HECW1: variants seen among roughly 807,000 people sequenced by gnomAD.
HECW1 encodes HECT, C2 and WW domain containing E3 ubiquitin protein ligase 1.
A neutral mutation model predicts 182.3 loss-of-function variants in HECW1; 61 were observed. That is an observed-to-expected ratio of 0.33 (90% CI 0.27 to 0.41). The LOEUF (loss-of-function observed/expected upper bound fraction) is 0.41, where lower values mean the gene tolerates loss of function less well. Ranked by LOEUF, HECW1 falls within the 10% of genes least tolerant of loss-of-function variation. The pLI is 1.00. For missense variants in HECW1, 1,739 were observed against 2,108.9 expected, an observed-to-expected ratio of 0.82 and a Z score of 3.44; for synonymous variants, 859 against 832.6, an observed-to-expected ratio of 1.03 and a Z score of -0.55.
In HECW1 at chr7:43,300,842, G is replaced by A. The variant is rs116299562; in HGVS notation, c.28-10921G>A. 8.7e-3 allele frequency among the ~76,000 whole-genome samples: 1,325 copies of A among 152,204 alleles called. 24 individuals are homozygous for A. Among genetic ancestry groups the A allele is most frequent in the African/African-American group, 0.029 (1,199 of 41,536 alleles). ...ATGGGTGATCTGGAAAAGCAGGTAC[G>A]ATGACCTCCCACACTGATGTGAGAG... On this transcript the variant is annotated intron_variant, in intron 3 of 29. Coordinates refer to ENST00000395891, the MANE Select transcript of HECW1 (RefSeq NM_015052.5).
At chr7:43,235,209 C>T (rs764384495) in intron 2 of HECW1, among the ~76,000 whole-genome samples, 9 of 152,126 alleles carry the variant, frequency 5.9e-5, no homozygotes, top group Non-Finnish European at 1.2e-4. Context: ...AGTTCCCCGG[C>T]CCCCACACCC....
chr7:43,168,702 A>G (rs776327571), intron 2 of HECW1, among the ~76,000 whole-genome samples: 1 of 152,160 alleles, frequency 6.6e-6, no homozygotes, highest in Non-Finnish European at 1.5e-5. Flanking sequence ...GTATTAATCA[A>G]TAGGGATAAG....
intron 26 of HECW1, among the ~76,000 whole-genome samples, chr7:43,545,161 G>T (rs2081508267): frequency 6.6e-6 from 1 of 152,200 alleles, no homozygotes; most frequent in Non-Finnish European, 1.5e-5. Flanking sequence ...CCCTGGAAGG[G>T]AAGTAGAGAT....
At position 43,469,072 on chromosome 7, in the gene HECW1, G is replaced by A. The variant is rs765252709; in HGVS notation, c.3066G>A (p.Arg1022=). 3 of 1,614,164 alleles carry A rather than the reference G, an allele frequency of 1.9e-6. No individual in the cohort carries two copies. Among genetic ancestry groups the A allele is most frequent in the Admixed American group, 1.7e-5 (1 of 60,028 alleles). ...MFADTRLELP[R]GWEIKTDQQG... is the part of the protein sequence containing the mutation. ...CAGACACTCGGCTGGAACTGCCCCG[G>A]GGCTGGGAGATCAAAACGGACCAGC... Residue 1022 remains arginine (R), a synonymous_variant, in exon 16 of 30, where the codon CGG becomes CGA. Coordinates refer to ENST00000395891, the MANE Select transcript of HECW1 (RefSeq NM_015052.5).
intron 2 of HECW1, among the ~76,000 whole-genome samples, chr7:43,127,523 CAAAAAA>C (rs71562078): frequency 3.5e-5 from 2 of 57,280 alleles, no homozygotes; most frequent in Non-Finnish European, 6.3e-5. Context: ...AACTCCATCT[CAAAAAA>C]AAAAAAAAAA....
intron 2 of HECW1, among the ~76,000 whole-genome samples, chr7:43,186,245 C>T (rs1012043957): frequency 6.6e-6 from 1 of 152,194 alleles, no homozygotes; most frequent in African/African-American, 2.4e-5. Flanking sequence ...GCAGTTTGTG[C>T]TCATTATCTG....
rs6954058 is a variant in HECW1 at position 43,331,722 on chromosome 7, A to G, written c.460+10980A>G. ...CGTTCTTGGCAAGGATGTTACCATG[A>G]GGTGGACGCCATCACTGTTGTATCC... is the stretch of plus-strand genomic sequence containing the variant. On this transcript the variant is annotated intron_variant, in intron 5 of 29. Coordinates refer to ENST00000395891, the MANE Select transcript of HECW1 (RefSeq NM_015052.5). Among the ~76,000 whole-genome samples the G allele has an allele frequency of 7.5e-3, 1,140 of 152,306 alleles. 17 individuals are homozygous for G. Among genetic ancestry groups the G allele is most frequent in the African/African-American group, 0.026 (1,084 of 41,564 alleles).
intron 3 of HECW1, chr7:43,258,646 A>G (rs1157643256): frequency 6.6e-6 from 1 of 152,236 alleles, no homozygotes; most frequent in Non-Finnish European, 1.5e-5. Flanking sequence ...GGCCCAGCAA[A>G]GCTAGAAATC....
chr7:43,408,770 C>T (rs1449247271), intron 8 of HECW1, among the ~76,000 whole-genome samples: 1 of 152,150 alleles, frequency 6.6e-6, no homozygotes, highest in African/African-American at 2.4e-5. Context: ...AACCTCCAAA[C>T]CATGTGACTG....
chr7:43,401,574 T>TG (rs2075412137), intron 7 of HECW1, among the ~76,000 whole-genome samples: 1 of 144,424 alleles, frequency 6.9e-6, no homozygotes, highest in African/African-American at 2.6e-5. Context: ...AAGGTTTTTT[T>TG]TTTTTTTTTT....
intron 3 of HECW1, among the ~76,000 whole-genome samples, chr7:43,271,697 G>C (rs1218901184): frequency 2.6e-5 from 4 of 152,084 alleles, no homozygotes; most frequent in Non-Finnish European, 5.9e-5. Flanking sequence ...AATAAATCAT[G>C]GATGACGGAA....
chr7:43,505,247 G>A (rs1444349309), intron 21 of HECW1, among the ~76,000 whole-genome samples: 1 of 152,126 alleles, frequency 6.6e-6, no homozygotes, highest in Non-Finnish European at 1.5e-5. Context: ...TGTCACCGCA[G>A]GGTGTTCAGT....
At chr7:43,271,589 A>G (rs1158254504) in intron 3 of HECW1, among the ~76,000 whole-genome samples, 1 of 152,192 alleles carries the variant, frequency 6.6e-6, no homozygotes, top group Non-Finnish European at 1.5e-5. Context: ...TAAGAATGCA[A>G]TCCAATTTAC....
rs1189390393 is a variant in HECW1, at chr7:43,212,635, A to G, written c.-31-31240A>G. Among the ~76,000 whole-genome samples, 5 of 152,228 alleles carry G rather than the reference A, an allele frequency of 3.3e-5. No homozygotes were observed. The South Asian group carries it at 1.0e-3, about 32-fold the overall frequency. ...AATTACATTGCACTATAGCAAATTA[A>G]GTAATGAGAATGATTTATTATCTTG... On this transcript the variant is annotated intron_variant, in intron 2 of 29. Coordinates refer to ENST00000395891, the MANE Select transcript of HECW1 (RefSeq NM_015052.5).
At chr7:43,429,289 C>CATATATATATAT (rs57627873) in intron 8 of HECW1, among the ~76,000 whole-genome samples, 7 of 106,694 alleles carry the variant, frequency 6.6e-5, no homozygotes, top group Non-Finnish European at 1.1e-4. Flanking sequence ...ATATTATATG[C>CATATATATATAT]ATATATATAT....
intron 17 of HECW1, among the ~76,000 whole-genome samples, chr7:43,485,718 AC>A (rs1241404777): frequency 2.0e-5 from 3 of 151,534 alleles, no homozygotes; most frequent in Non-Finnish European, 4.4e-5. Context: ...AAAATAGTAC[AC>A]CTGTATAGGA....
chr7:43,474,203 T>A (rs541759074), intron 16 of HECW1, among the ~76,000 whole-genome samples: 10 of 152,246 alleles, frequency 6.6e-5, no homozygotes, highest in East Asian at 1.9e-4. Flanking sequence ...TAATCCCAGC[T>A]CTTTGGGAGG....
At chr7:43,513,218 A>G (rs890736905) in intron 24 of HECW1, among the ~76,000 whole-genome samples, 1 of 152,166 alleles carries the variant, frequency 6.6e-6, no homozygotes, top group Non-Finnish European at 1.5e-5. Context: ...TTTCTGTATT[A>G]TCTGTGGTTT....
intron 3 of HECW1, among the ~76,000 whole-genome samples, chr7:43,303,688 G>A (rs1031130876): frequency 6.6e-6 from 1 of 152,088 alleles, no homozygotes; most frequent in Admixed American, 6.6e-5. Flanking sequence ...ACAAAAGAAA[G>A]CTTTTTTAGC....
Sources: allele counts gnomAD v4.1 joint callset (sites outside exome capture counted in the v4.1 genomes callset), GRCh38; gene constraint gnomAD v4.1.1; transcripts MANE v1.5; gene names NCBI Gene and HGNC (gene_info 2026-07-23, HGNC 2026-07-21).